SOBP: variants seen among roughly 807,000 people sequenced by gnomAD.
SOBP encodes sine oculis-binding protein homolog.
In SOBP, 4 loss-of-function variants were observed where a neutral mutation model predicts 53.6. The ratio of observed to expected loss-of-function variants is 0.07; its 90% CI spans 0.04 to 0.17. The LOEUF (loss-of-function observed/expected upper bound fraction) is 0.17. Among genes scored for constraint, SOBP ranks in the 10% least tolerant of loss-of-function variants. The pLI is 1.00. For synonymous variants in SOBP, 584 were observed against 522.6 expected, an observed-to-expected ratio of 1.12 and a Z score of -1.60; for missense variants, 1,088 against 1,204.7, an observed-to-expected ratio of 0.90 and a Z score of 1.43.
In SOBP at chr6:107,490,408, T is replaced by A. The variant is rs546101299; in HGVS notation, c.-209T>A. The A allele has an allele frequency of 3.1e-4, 143 of 458,084 alleles. No homozygotes were observed. In the East Asian group the frequency reaches 4.4e-3, roughly 14 times the overall value. The allele number at this position is 458,084 out of a possible 1,614,324, so 28.4% of individuals were successfully genotyped here. A position where few individuals can be genotyped will look rare whatever the true frequency, so the allele number is the denominator to read the frequency against. On this transcript the variant is annotated 5_prime_UTR_variant, in exon 1 of 7. Coordinates refer to ENST00000317357, the MANE Select transcript of SOBP (RefSeq NM_018013.4). ...AGACTCTCCGCACTATCCTTACCCGTGACAGCCACTGACGTCCTCCGCCGC... is the reference window on the plus strand; with the variant it reads ...AGACTCTCCGCACTATCCTTACCCGAGACAGCCACTGACGTCCTCCGCCGC...
intron 5 of SOBP, among the ~76,000 whole-genome samples, chr6:107,620,935 T>G (rs1239816937): frequency 6.6e-6 from 1 of 152,190 alleles, no homozygotes; most frequent in African/African-American, 2.4e-5. Context: ...TCTCATTTCC[T>G]CCTTCAGAGT....
intron 3 of SOBP, among the ~76,000 whole-genome samples, chr6:107,509,147 C>T (rs1485493101): frequency 6.6e-6 from 1 of 152,214 alleles, no homozygotes; most frequent in Non-Finnish European, 1.5e-5. Context: ...GTAATCCCAG[C>T]ACTTTGGGAG....
chr6:107,500,553 T>G (rs749740271), intron 1 of SOBP, among the ~76,000 whole-genome samples: 5 of 151,836 alleles, frequency 3.3e-5, no homozygotes, highest in Non-Finnish European at 4.4e-5. Flanking sequence ...AAGGAATCTC[T>G]CTCTGTCGCC....
intron 5 of SOBP, among the ~76,000 whole-genome samples, chr6:107,609,029 T>G (rs1786493532): frequency 6.6e-6 from 1 of 152,206 alleles, no homozygotes; most frequent in Admixed American, 6.5e-5. Context: ...TCCCCAGCTA[T>G]TCACACCCTA....
chr6:107,574,341 A>G (rs751603047), intron 4 of SOBP, among the ~76,000 whole-genome samples: 1 of 152,210 alleles, frequency 6.6e-6, no homozygotes, highest in Non-Finnish European at 1.5e-5. Context: ...TCAAAGAATA[A>G]CAGCTTTCTA....
chr6:107,515,714 A>C (rs980626794), intron 3 of SOBP, among the ~76,000 whole-genome samples: 1 of 152,150 alleles, frequency 6.6e-6, no homozygotes, highest in Non-Finnish European at 1.5e-5. Context: ...ACACCAGTGC[A>C]CTCCAGCCTG....
At chr6:107,618,989 G>T (rs1255275645) in intron 5 of SOBP, among the ~76,000 whole-genome samples, 1 of 152,206 alleles carries the variant, frequency 6.6e-6, no homozygotes, top group Non-Finnish European at 1.5e-5. Flanking sequence ...GGTGAGCAGG[G>T]GCGGGGGAGC....
chr6:107,642,336 G>A (rs185661937), intron 6 of SOBP, among the ~76,000 whole-genome samples: 28 of 152,168 alleles, frequency 1.8e-4, no homozygotes, highest in African/African-American at 6.7e-4. Flanking sequence ...TTATTTCAAG[G>A]GTCATCGAAA....
At chr6:107,642,090 G>T (rs1771350079) in intron 6 of SOBP, among the ~76,000 whole-genome samples, 1 of 152,236 alleles carries the variant, frequency 6.6e-6, no homozygotes, top group South Asian at 2.1e-4. Context: ...TTCAGAGAAA[G>T]AAAGAAATTA....
At chr6:107,595,090 A>C (rs1785896492) in intron 5 of SOBP, among the ~76,000 whole-genome samples, 1 of 152,256 alleles carries the variant, frequency 6.6e-6, no homozygotes, top group African/African-American at 2.4e-5. Context: ...TATAGTAACA[A>C]TTCTTTGGTA....
chr6:107,566,669 A>T (rs913978506), intron 4 of SOBP, among the ~76,000 whole-genome samples: 2 of 152,186 alleles, frequency 1.3e-5, no homozygotes, highest in African/African-American at 4.8e-5. Context: ...CATGGTCTTC[A>T]TCACTTCAAC....
chr6:107,606,712 C>G (rs1015836488), intron 5 of SOBP, among the ~76,000 whole-genome samples: 5 of 152,180 alleles, frequency 3.3e-5, no homozygotes, highest in African/African-American at 1.2e-4. Context: ...GGCGGCAGCG[C>G]CCTCACTGGG....
intron 5 of SOBP, among the ~76,000 whole-genome samples, chr6:107,591,526 G>A: frequency 6.6e-6 from 1 of 152,194 alleles, no homozygotes; most frequent in Non-Finnish European, 1.5e-5. Context: ...TGTAAGGGAA[G>A]GGGGTTTTCC....
In SOBP at chr6:107,631,243, T is replaced by A. The variant is rs189859827; in HGVS notation, c.670-2271T>A. On this transcript the variant is annotated intron_variant, in intron 5 of 6. Transcript: ENST00000317357. ...AGATCCAAAAAAATATGCCAGAAAATGGGTATATTATTTTAATTAGCTTAA... is the reference window on the plus strand; with the variant it reads ...AGATCCAAAAAAATATGCCAGAAAAAGGGTATATTATTTTAATTAGCTTAA... 3.9e-5 allele frequency among the ~76,000 whole-genome samples: 6 copies of A among 152,126 alleles called. No individual in the cohort carries two copies. The East Asian group carries it at 1.2e-3, about 29-fold the overall frequency.
chr6:107,616,757 G>C (rs1328262547), intron 5 of SOBP, among the ~76,000 whole-genome samples: 1 of 152,206 alleles, frequency 6.6e-6, no homozygotes, highest in Non-Finnish European at 1.5e-5. Context: ...CAGAAACAGT[G>C]GGGGCTGTAA....
At position 107,635,522 on chromosome 6, in the gene SOBP, C is replaced by G. The variant is rs576013754; in HGVS notation, c.*3+53C>G. On this transcript the variant is annotated intron_variant, in intron 6 of 6. Transcript: ENST00000317357. The surrounding 1 kb of genome is among the most constrained non-coding windows in gnomAD (Gnocchi z 4.5). ...ACACCAGCCAGTGCACCTCTCCTTACTTCTGACAAGGCAGAGGGGAGAGTT... is the reference window on the plus strand; with the variant it reads ...ACACCAGCCAGTGCACCTCTCCTTAGTTCTGACAAGGCAGAGGGGAGAGTT... 48 of 1,604,222 alleles carry G rather than the reference C, an allele frequency of 3.0e-5. No homozygotes were observed. In the African/African-American group the frequency reaches 5.7e-4, roughly 19 times the overall value.
intron 4 of SOBP, among the ~76,000 whole-genome samples, chr6:107,539,779 A>G (rs1458582227): frequency 2.0e-5 from 3 of 152,056 alleles, no homozygotes; most frequent in African/African-American, 7.2e-5. Context: ...TACATTTCCA[A>G]CTCTCTCACC....
intron 5 of SOBP, among the ~76,000 whole-genome samples, chr6:107,610,927 G>C (rs2115101385): frequency 6.6e-6 from 1 of 152,334 alleles, no homozygotes; most frequent in African/African-American, 2.4e-5. Flanking sequence ...CACTACCATA[G>C]TTACCATTTG....
chr6:107,551,061 C>T (rs1399675873), intron 4 of SOBP, among the ~76,000 whole-genome samples: 1 of 152,178 alleles, frequency 6.6e-6, no homozygotes, highest in Non-Finnish European at 1.5e-5. Flanking sequence ...CTGCACATTT[C>T]CTGAACTGTG....
Sources: gnomAD v4.1 joint callset for allele counts (sites outside exome capture counted in the v4.1 genomes callset) on GRCh38, gnomAD v4.1.1 for gene constraint, Gnocchi (gnomAD v3.1) non-coding constraint, MANE v1.5 for transcripts, NCBI Gene and HGNC (gene_info 2026-07-23, HGNC 2026-07-21) for gene names.